Variants in NBAS observed in about 807,000 individuals in gnomAD.
NBAS encodes NAG/BC035112 fusion.
A neutral mutation model predicts 302.5 loss-of-function variants in NBAS; 219 were observed. The ratio of observed to expected loss-of-function variants is 0.72; its 90% CI spans 0.65 to 0.81. The LOEUF is 0.81. NBAS is among the 30% of genes least tolerant of loss of function. The pLI, the probability that NBAS is intolerant of heterozygous loss-of-function variation, is 0.00. For missense variants in NBAS, 2,932 were observed against 2,841.6 expected, an observed-to-expected ratio of 1.03 and a Z score of -0.72; for synonymous variants, 1,118 against 1,021.6, an observed-to-expected ratio of 1.09 and a Z score of -1.80.
chr2:15,557,103 T>G (rs1220405535), intron 2 of NBAS, among the ~76,000 whole-genome samples: 1 of 152,190 alleles, frequency 6.6e-6, no homozygotes, highest in Non-Finnish European at 1.5e-5. Context: ...AAATTTAATC[T>G]AAGAAGCTTT....
At chr2:15,359,252 CCTGT>C (rs1673779092) in intron 32 of NBAS, among the ~76,000 whole-genome samples, 3 of 151,856 alleles carry the variant, frequency 2.0e-5, no homozygotes, top group Non-Finnish European at 4.4e-5. Flanking sequence ...TTGTTTTTCT[CCTGT>C]CTATTGTCAA....
intron 21 of NBAS, among the ~76,000 whole-genome samples, chr2:15,441,917 T>C (rs1171732712): frequency 1.3e-5 from 2 of 150,822 alleles, no homozygotes; most frequent in East Asian, 3.9e-4. Flanking sequence ...AGAAGGCCAT[T>C]ACATAATAGT....
At chr2:14,803,435 C>T in the NBAS span, among the ~76,000 whole-genome samples, 1 of 152,120 alleles carries the variant, frequency 6.6e-6, no homozygotes, top group Non-Finnish European at 1.5e-5. Context: ...CTACCTTGGC[C>T]TTCCTAGACT....
chr2:14,911,646 G>C, the NBAS span, among the ~76,000 whole-genome samples: 1 of 152,254 alleles, frequency 6.6e-6, no homozygotes, highest in Non-Finnish European at 1.5e-5. Context: ...TTGTTGTCAA[G>C]ATTAAAGAAA....
chr2:15,514,024 T>C (rs1365212945), intron 9 of NBAS, among the ~76,000 whole-genome samples: 1 of 152,168 alleles, frequency 6.6e-6, no homozygotes. Context: ...GTCTGGATAT[T>C]TGAAGATACT....
intron 48 of NBAS, among the ~76,000 whole-genome samples, chr2:15,197,161 C>A (rs139788989): frequency 2.0e-5 from 3 of 152,086 alleles, no homozygotes; most frequent in African/African-American, 7.2e-5. Context: ...GGTCTCAATG[C>A]TATATATAAG....
intron 48 of NBAS, among the ~76,000 whole-genome samples, chr2:15,192,705 G>C (rs574700177): frequency 1.2e-3 from 179 of 152,234 alleles, no homozygotes; most frequent in African/African-American, 3.9e-3. Context: ...GTCTACATGA[G>C]AGTTTATATG....
intron 26 of NBAS, 146 bp downstream of exon 26, chr2:15,402,022 T>G (rs961881831): frequency 3.7e-6 from 3 of 804,814 alleles, no homozygotes; most frequent in Non-Finnish European, 6.3e-6. Context: ...TCCTAGGCAA[T>G]AGGATTGCAG....
At chr2:15,254,299 C>T (rs775465956) in intron 44 of NBAS, among the ~76,000 whole-genome samples, 1 of 151,834 alleles carries the variant, frequency 6.6e-6, no homozygotes, top group African/African-American at 2.4e-5. Context: ...TTCCCCCAAA[C>T]TGCATTTTAA....
At chr2:14,800,304 A>G in the NBAS span, among the ~76,000 whole-genome samples, 2 of 152,198 alleles carry the variant, frequency 1.3e-5, no homozygotes, top group African/African-American at 4.8e-5. Context: ...GTGATAGGGA[A>G]TAAGTCTCAT....
At chr2:15,467,954 T>C (rs1338053792) in intron 17 of NBAS, 150 bp from the exon 18 acceptor site, 11 of 705,914 alleles carry the variant, frequency 1.6e-5, no homozygotes, top group Non-Finnish European at 2.3e-5. Flanking sequence ...GTAAACAAAG[T>C]GATCATTCAT....
intron 48 of NBAS, among the ~76,000 whole-genome samples, chr2:15,203,440 G>A (rs771809582): frequency 2.6e-5 from 4 of 152,208 alleles, no homozygotes; most frequent in Admixed American, 6.5e-5. Context: ...CAGCTTAAGG[G>A]AAAAGAGATT....
At chr2:14,788,270 TC>T in the NBAS span, among the ~76,000 whole-genome samples, 1 of 152,202 alleles carries the variant, frequency 6.6e-6, no homozygotes. Flanking sequence ...GGTTTGAATT[TC>T]CCCCTGTAGC....
chr2:15,088,268 T>A, the NBAS span, among the ~76,000 whole-genome samples: 1 of 152,220 alleles, frequency 6.6e-6, no homozygotes, highest in Non-Finnish European at 1.5e-5. Context: ...TTGAACTCCA[T>A]ACAAGACTTT....
the NBAS span, among the ~76,000 whole-genome samples, chr2:14,940,514 G>C: frequency 6.6e-6 from 1 of 152,170 alleles, no homozygotes; most frequent in African/African-American, 2.4e-5. Context: ...AAGGCAATCT[G>C]TTTTTCTGAT....
At chr2:14,854,012 T>C in the NBAS span, among the ~76,000 whole-genome samples, 1 of 146,904 alleles carries the variant, frequency 6.8e-6, no homozygotes, top group African/African-American at 2.5e-5. Context: ...GCATGGCACA[T>C]GTATACATAT....
intron 19 of NBAS, among the ~76,000 whole-genome samples, chr2:15,463,265 C>T (rs757148403): frequency 1.3e-5 from 2 of 152,162 alleles, no homozygotes; most frequent in Non-Finnish European, 2.9e-5. Context: ...CAGAGCAAGA[C>T]CCCGTTTCAC....
At chr2:15,541,006 G>C (rs550946291) in intron 6 of NBAS, among the ~76,000 whole-genome samples, 7 of 152,108 alleles carry the variant, frequency 4.6e-5, no homozygotes, top group Non-Finnish European at 1.0e-4. Context: ...TTACAGGCGT[G>C]AGCCACCGCA....
chr2:15,350,436 T>C (rs1205489352), intron 35 of NBAS, among the ~76,000 whole-genome samples: 1 of 152,168 alleles, frequency 6.6e-6, no homozygotes, highest in Non-Finnish European at 1.5e-5. Flanking sequence ...CGTCTTAATT[T>C]GTCTAGCTGG....
Sources: gnomAD v4.1 joint callset for allele counts (sites outside exome capture counted in the v4.1 genomes callset) on GRCh38, gnomAD v4.1.1 for gene constraint, MANE v1.5 for transcripts, NCBI Gene and HGNC (gene_info 2026-07-23, HGNC 2026-07-21) for gene names.